Variants in TTC17 observed in about 807,000 individuals in gnomAD.
The protein encoded by TTC17 is tetratricopeptide repeat domain 17, also known as tetratricopeptide repeat protein 17.
Under a neutral mutation model 143.8 loss-of-function variants are expected in TTC17, and 58 were observed. The ratio of observed to expected loss-of-function variants is 0.40; its 90% CI spans 0.33 to 0.50. The LOEUF (loss-of-function observed/expected upper bound fraction) is 0.50. Among genes scored for constraint, TTC17 ranks in the 20% least tolerant of loss-of-function variants. The pLI is 0.49. For synonymous variants in TTC17, 501 were observed against 497.8 expected, an observed-to-expected ratio of 1.01 and a Z score of -0.09; for missense variants, 1,273 against 1,392.5, an observed-to-expected ratio of 0.91 and a Z score of 1.37.
At chr11:43,401,315 G>A (rs2134569220) in intron 9 of TTC17, 131 bp from the exon 10 acceptor site, 2 of 562,058 alleles carry the variant, frequency 3.6e-6, no homozygotes, top group Non-Finnish European at 6.4e-6. Context: ...CTCTATATAA[G>A]TACGTCCTAC....
chr11:43,390,501 A>C (rs1283622244), intron 3 of TTC17, among the ~76,000 whole-genome samples: 1 of 152,090 alleles, frequency 6.6e-6, no homozygotes, highest in Non-Finnish European at 1.5e-5. Context: ...CTGTAGTCCC[A>C]GCTACTCGGG....
chr11:43,378,744 T>C (rs1313248862), intron 1 of TTC17: 1 of 155,950 alleles, frequency 6.4e-6, no homozygotes, highest in Non-Finnish European at 1.4e-5. Flanking sequence ...CCAGAGAACA[T>C]GAGCAATAAG....
At chr11:43,444,410 A>C (rs1363028688) in intron 18 of TTC17, 3 of 415,908 alleles carry the variant, frequency 7.2e-6, no homozygotes, top group Non-Finnish European at 1.2e-5. Context: ...ATTCCAGTGG[A>C]TTTAACATTA....
At chr11:43,451,088 CCT>C in intron 20 of TTC17, 92 bp from the exon 21 acceptor site, 1 of 1,176,174 alleles carries the variant, frequency 8.5e-7, no homozygotes, top group South Asian at 1.4e-5. Flanking sequence ...AAACAGTTTG[CCT>C]CTGTGGTACA....
chr11:43,456,964 A>AG (rs1360181209), intron 21 of TTC17, among the ~76,000 whole-genome samples: 1 of 152,092 alleles, frequency 6.6e-6, no homozygotes, highest in African/African-American at 2.4e-5. Flanking sequence ...GCTGGGTAAC[A>AG]GAGCCAGCCA....
chr11:43,406,302 G>A (rs1225471468), intron 13 of TTC17, among the ~76,000 whole-genome samples: 2 of 152,120 alleles, frequency 1.3e-5, no homozygotes, highest in African/African-American at 4.8e-5. Flanking sequence ...CTCCAGAAGT[G>A]TATATAAATT....
At chr11:43,451,397 A>G (rs1409023391) in intron 21 of TTC17, 132 bp downstream of exon 21, 1 of 725,686 alleles carries the variant, frequency 1.4e-6, no homozygotes, top group Non-Finnish European at 2.4e-6. Flanking sequence ...GATAATGTGA[A>G]ATAACTCCCC....
intron 8 of TTC17, among the ~76,000 whole-genome samples, chr11:43,399,644 T>C (rs1249534374): frequency 1.3e-5 from 2 of 152,144 alleles, no homozygotes; most frequent in Admixed American, 1.3e-4. Context: ...CAATCAGGCC[T>C]CTCCATCCAG....
intron 22 of TTC17, 36 bp downstream of exon 22, chr11:43,490,394 T>G (rs1012596024): frequency 6.4e-7 from 1 of 1,570,244 alleles, no homozygotes. Flanking sequence ...CTTCTGCCCC[T>G]TTGTCCTTTC....
chr11:43,401,417 C>G (rs371299154), intron 9 of TTC17, 29 bp from the exon 10 acceptor site: 16 of 1,500,448 alleles, frequency 1.1e-5, no homozygotes, highest in African/African-American at 8.3e-5. Flanking sequence ...CCTTGCTCAT[C>G]ATTTGTGTAA....
intron 2 of TTC17, among the ~76,000 whole-genome samples, chr11:43,387,412 T>C (rs1857209685): frequency 6.6e-6 from 1 of 152,212 alleles, no homozygotes; most frequent in Admixed American, 6.5e-5. Context: ...AAGCAAGTCA[T>C]GTGGCCATGC....
intron 15 of TTC17, among the ~76,000 whole-genome samples, chr11:43,411,722 C>G (rs1280784814): frequency 6.6e-6 from 1 of 152,114 alleles, no homozygotes; most frequent in African/African-American, 2.4e-5. Context: ...AATTATAACA[C>G]TTTGTTTCCT....
Position 43,448,145 on chromosome 11 carries a change from T to C in TTC17, c.2786+23T>C, listed in dbSNP as rs1342726479. On this transcript the variant is annotated intron_variant, in intron 19 of 23. Transcript: ENST00000039989. Reference sequence around the variant, plus strand: ...TGAGTAAGTATGTTAAGCCTCTCCCTCCTTTATGGCATTTGAGTCCCATTG... The same window carrying C: ...TGAGTAAGTATGTTAAGCCTCTCCCCCCTTTATGGCATTTGAGTCCCATTG... 4 of 1,612,840 alleles carry C rather than the reference T, an allele frequency of 2.5e-6. No individual in the cohort carries two copies. In the African/African-American group the frequency reaches 5.3e-5, roughly 22 times the overall value.
Position 43,492,230 on chromosome 11 carries a change from C to T in TTC17, c.3294+67C>T, listed in dbSNP as rs369747442. The T allele has an allele frequency of 6.9e-5, 107 of 1,547,054 alleles. No individual in the cohort carries two copies. In the East Asian group the frequency reaches 2.2e-3, roughly 32 times the overall value. ...CAGTAGCACATCTTTGATTTCAAAA[C>T]CTCTTTGAATATGTCATTGCCCACC... On this transcript the variant is annotated intron_variant, in intron 23 of 23. Transcript: ENST00000039989.
chr11:43,417,840 G>A (rs550525619), intron 16 of TTC17, among the ~76,000 whole-genome samples: 6 of 152,326 alleles, frequency 3.9e-5, no homozygotes, highest in South Asian at 4.1e-4. Context: ...GTGACAGAGC[G>A]AGACTCCGTC....
chr11:43,481,565 G>A (rs1413337708), intron 21 of TTC17, among the ~76,000 whole-genome samples: 1 of 151,938 alleles, frequency 6.6e-6, no homozygotes, highest in Non-Finnish European at 1.5e-5. Context: ...ATAGATCTAG[G>A]GCTATTCAAA....
chr11:43,364,724 G>T (rs1156479696), intron 1 of TTC17, among the ~76,000 whole-genome samples: 2 of 152,154 alleles, frequency 1.3e-5, no homozygotes, highest in Admixed American at 1.3e-4. Flanking sequence ...ATGCTGTAGG[G>T]CAGTGAGAGG....
chr11:43,446,793 T>A (rs1947551821), intron 18 of TTC17: 1 of 553,660 alleles, frequency 1.8e-6, no homozygotes. Flanking sequence ...AGTTCTGCTC[T>A]TTTCTTGGGG....
rs1030660551 is a variant in TTC17, at chr11:43,358,995, C to A, written c.41C>A (p.Pro14Gln). ...GGGGTTCGTGGCCGGTACGAGCTGC[C>A]GCCTTGCTCCGGCCCAGGCTGGCTC... is the stretch of plus-strand genomic sequence containing the variant. ...AVGVRGRYEL[P>Q]PCSGPGWLLS... Residue 14 changes from proline to glutamine, a missense_variant, in exon 1 of 24, where the codon CCG becomes CAG. Around this residue, in one of 3 missense-constraint regions of TTC17, gnomAD observed 70 missense variants for 48.5 expected, o/e 1.44. Transcript: ENST00000039989. 4 of 1,582,368 alleles carry A rather than the reference C, an allele frequency of 2.5e-6. No homozygotes were observed. Among genetic ancestry groups the A allele is most frequent in the Non-Finnish European group, 2.6e-6 (3 of 1,164,750 alleles).
Sources: gnomAD v4.1 joint callset for allele counts (sites outside exome capture counted in the v4.1 genomes callset) on GRCh38, gnomAD v4.1.1 for gene constraint, gnomAD v4.1.1 regional missense constraint, MANE v1.5 for transcripts, NCBI Gene and HGNC (gene_info 2026-07-23, HGNC 2026-07-21) for gene names.